The following YJU2 variants were observed in gnomAD, a reference collection of about 807,000 sequenced individuals.
YJU2 encodes YJU2 splicing factor homolog.
Under a neutral mutation model 39.6 loss-of-function variants are expected in YJU2, and 28 were observed. That is an observed-to-expected ratio of 0.71 (90% CI 0.52 to 0.97). The LOEUF (loss-of-function observed/expected upper bound fraction) is 0.97, where lower values mean the gene tolerates loss of function less well. Among genes scored for constraint, YJU2 ranks in the 50% least tolerant of loss-of-function variants. The pLI is 0.00. For missense variants in YJU2, 328 were observed against 430.4 expected (o/e 0.76, Z 2.11); for synonymous variants, 184 against 182.4 (o/e 1.01, Z -0.07).
intron 1 of YJU2, 85 bp downstream of exon 1, chr19:4,247,255 C>T (rs532334652): frequency 8.2e-7 from 1 of 1,222,648 alleles, no homozygotes; most frequent in South Asian, 1.3e-5. Context: ...GAGATCTCTT[C>T]TTTGGAACCC....
At chr19:4,259,566 G>C (rs1380196305) in intron 5 of YJU2, among the ~76,000 whole-genome samples, 1 of 152,058 alleles carries the variant, frequency 6.6e-6, no homozygotes, top group Non-Finnish European at 1.5e-5. Flanking sequence ...TTTCTGTAGA[G>C]ACAGGACCTC....
Position 4,247,120 on chromosome 19 carries a change from T to C in YJU2, c.-27T>C. On this transcript the variant is annotated 5_prime_UTR_variant, in exon 1 of 8. Coordinates refer to ENST00000262962, the MANE Select transcript of YJU2 (RefSeq NM_018074.6). ...TTACCCAGCCTAACCATTTCTCAGG[T>C]GCTTGCGAGGTGATCAGAAGGCAAA... is the stretch of plus-strand genomic sequence containing the variant. The C allele has an allele frequency of 6.2e-7, 1 of 1,612,076 alleles. No individual in the cohort carries two copies. Among genetic ancestry groups the C allele is most frequent in the Non-Finnish European group, 8.5e-7 (1 of 1,178,136 alleles).
chr19:4,249,932 C>T (rs1970962254), intron 2 of YJU2, among the ~76,000 whole-genome samples: 1 of 152,082 alleles, frequency 6.6e-6, no homozygotes, highest in Non-Finnish European at 1.5e-5. Flanking sequence ...GTCTCGAACT[C>T]CTGACCTCAG....
rs769746288 is a variant in YJU2, at chr19:4,266,968, A to C, written c.709-656A>C. Among the ~76,000 whole-genome samples, 71 of 152,190 alleles carry C rather than the reference A, an allele frequency of 4.7e-4. 1 individual carries two copies. Among genetic ancestry groups the C allele is most frequent in the African/African-American group, 9.9e-4 (41 of 41,570 alleles). On this transcript the variant is annotated intron_variant, in intron 6 of 7. Coordinates refer to ENST00000262962, the MANE Select transcript of YJU2 (RefSeq NM_018074.6). Reference sequence around the variant, plus strand: ...GGCAATAGAGTGAGACCTTCCCCCCAAAAAAATTTTTTTAATAATATAGAT... The same window carrying C: ...GGCAATAGAGTGAGACCTTCCCCCCCAAAAAATTTTTTTAATAATATAGAT...
chr19:4,262,956 C>CT (rs1971084061), intron 6 of YJU2, among the ~76,000 whole-genome samples: 1 of 151,814 alleles, frequency 6.6e-6, no homozygotes, highest in African/African-American at 2.4e-5. Context: ...CGCTTGTAAT[C>CT]CCAGCTACTC....
At chr19:4,264,375 C>T (rs1263374516) in intron 6 of YJU2, among the ~76,000 whole-genome samples, 2 of 149,016 alleles carry the variant, frequency 1.3e-5, no homozygotes, top group African/African-American at 4.9e-5. Context: ...TAATGCAGTC[C>T]CAGCTCACTG....
chr19:4,252,567 G>A (rs1399562010), intron 3 of YJU2, among the ~76,000 whole-genome samples: 1 of 152,096 alleles, frequency 6.6e-6, no homozygotes, highest in African/African-American at 2.4e-5. Flanking sequence ...TCGCGCCACT[G>A]CACTCCAGCC....
At chr19:4,257,542 T>G (rs1971031179) in intron 4 of YJU2, among the ~76,000 whole-genome samples, 1 of 152,094 alleles carries the variant, frequency 6.6e-6, no homozygotes. Flanking sequence ...GGTGCAATCT[T>G]GGTTCACTGC....
rs572395132 is a variant in YJU2 at position 4,268,861 on chromosome 19, C to T, written c.*165C>T. The T allele has an allele frequency of 1.8e-3, 1,076 of 604,022 alleles. 2 individuals carry two copies. The highest frequency in any genetic ancestry group is 2.7e-3 in the Non-Finnish European group (913 of 340,110). The allele number at this position is 604,022 out of a possible 1,614,324, so 37.4% of individuals were successfully genotyped here. ...ATAGGGCCACCAGGGGCCTCAGCCC[C>T]AGGAGGTCCCTTCTCTGTGCCCTCA... is the stretch of plus-strand genomic sequence containing the variant. On this transcript the variant is annotated 3_prime_UTR_variant, in exon 8 of 8. Transcript: ENST00000262962.
chr19:4,264,497 T>C (rs1248471630), intron 6 of YJU2, among the ~76,000 whole-genome samples: 1 of 148,982 alleles, frequency 6.7e-6, no homozygotes, highest in African/African-American at 2.5e-5. Context: ...TTCTTTCTTT[T>C]TTTTTTTTTA....
Position 4,247,647 on chromosome 19 carries a change from GT to G in YJU2, c.24+478del, listed in dbSNP as rs1568359667. Among the ~76,000 whole-genome samples, 172 of 59,816 alleles carry G rather than the reference GT, an allele frequency of 2.9e-3. 13 individuals carry two copies. The highest frequency in any genetic ancestry group is 7.9e-3 in the East Asian group (12 of 1,510). The allele number at this position is 59,816 out of a possible 152,430, so 39.2% of individuals were successfully genotyped here. A position where few individuals can be genotyped will look rare whatever the true frequency, so the allele number is the denominator to read the frequency against. On this transcript the variant is annotated intron_variant, in intron 1 of 7. Transcript: ENST00000262962. ...TGTGTGTGTGTGTGTGTGTGTGTGT[GT>G]GTGTGTGTGTGTGTGTGTGTGTGTG...
At chr19:4,249,583 G>A (rs1180368329) in intron 2 of YJU2, among the ~76,000 whole-genome samples, 3 of 151,946 alleles carry the variant, frequency 2.0e-5, no homozygotes, top group South Asian at 4.2e-4. Context: ...AGGATAGGAC[G>A]CCACAGAGAT....
intron 2 of YJU2, among the ~76,000 whole-genome samples, chr19:4,250,406 A>G (rs1026736253): frequency 2.0e-5 from 3 of 152,100 alleles, no homozygotes; most frequent in Non-Finnish European, 4.4e-5. Flanking sequence ...AGTGGAGAAT[A>G]GTGGTAGTCA....
At chr19:4,260,565 C>T (rs563381906) in intron 5 of YJU2, among the ~76,000 whole-genome samples, 7 of 152,256 alleles carry the variant, frequency 4.6e-5, no homozygotes, top group South Asian at 2.1e-4. Context: ...GGTGAAACCC[C>T]GTCTCTACTA....
chr19:4,247,130 G>A lies in YJU2; in HGVS notation c.-17G>A, dbSNP rs1970924801. 1.9e-6 allele frequency: 3 copies of A among 1,613,516 alleles called. No homozygotes were observed. The highest frequency in any genetic ancestry group is 1.3e-5 in the African/African-American group (1 of 75,036). Reference sequence around the variant, plus strand: ...TAACCATTTCTCAGGTGCTTGCGAGGTGATCAGAAGGCAAAGATGTCGGAG... The same window carrying A: ...TAACCATTTCTCAGGTGCTTGCGAGATGATCAGAAGGCAAAGATGTCGGAG... On this transcript the variant is annotated 5_prime_UTR_variant, in exon 1 of 8. In the 5' UTR this introduces an upstream ATG that the reference lacks. Coordinates refer to ENST00000262962, the MANE Select transcript of YJU2 (RefSeq NM_018074.6).
At chr19:4,257,897 C>A (rs1034560325) in intron 4 of YJU2, among the ~76,000 whole-genome samples, 1 of 152,196 alleles carries the variant, frequency 6.6e-6, no homozygotes, top group Non-Finnish European at 1.5e-5. Flanking sequence ...GCCACTGTGC[C>A]TGGCCAAATT....
At chr19:4,252,774 A>G (rs910225007) in intron 3 of YJU2, among the ~76,000 whole-genome samples, 1 of 151,822 alleles carries the variant, frequency 6.6e-6, no homozygotes, top group African/African-American at 2.4e-5. Flanking sequence ...AAAAATATAA[A>G]AATTAGCTGG....
intron 4 of YJU2, among the ~76,000 whole-genome samples, chr19:4,255,005 G>A (rs892764781): frequency 4.7e-5 from 7 of 149,472 alleles, no homozygotes; most frequent in Non-Finnish European, 1.0e-4. Context: ...GCAGGAAGCC[G>A]AGATGGCGCC....
intron 3 of YJU2, among the ~76,000 whole-genome samples, chr19:4,253,541 G>T (rs546169805): frequency 1.3e-5 from 2 of 151,978 alleles, no homozygotes; most frequent in African/African-American, 4.8e-5. Flanking sequence ...TGATCCTGCC[G>T]CTGCACTCCG....
Sources: gnomAD v4.1 joint callset for allele counts (sites outside exome capture counted in the v4.1 genomes callset) on GRCh38, gnomAD v4.1.1 for gene constraint, MANE v1.5 for transcripts, NCBI Gene and HGNC (gene_info 2026-07-23, HGNC 2026-07-21) for gene names.